ZDHHC11B: variants seen among roughly 807,000 people sequenced by gnomAD.
The protein encoded by ZDHHC11B is probable palmitoyltransferase ZDHHC11B.
Under a neutral mutation model 42.3 loss-of-function variants are expected in ZDHHC11B, and 17 were observed. The observed-to-expected ratio is 0.40, with a 90% confidence interval of 0.27 to 0.60. The LOEUF is 0.60. Among genes scored for constraint, ZDHHC11B ranks in the 20% least tolerant of loss-of-function variants. The pLI, the probability that ZDHHC11B is intolerant of heterozygous loss-of-function variation, is 0.41. For synonymous variants in ZDHHC11B, 123 were observed against 193.5 expected, an observed-to-expected ratio of 0.64 and a Z score of 3.02; for missense variants, 262 against 463.2, an observed-to-expected ratio of 0.57 and a Z score of 3.99.
At chr5:741,073 C>T (rs538422316) in intron 10 of ZDHHC11B, among the ~76,000 whole-genome samples, 26 of 123,364 alleles carry the variant, frequency 2.1e-4, no homozygotes, top group Admixed American at 5.7e-4. Flanking sequence ...CAAAATAAAA[C>T]GAACCGCACT....
At position 777,042 on chromosome 5, in the gene ZDHHC11B, G is replaced by T. The variant is rs149676461; in HGVS notation, c.-230+7626C>A. ...CACAGGACGCAGTGTGTCTGGAATT[G>T]GTGGGTTATTGGTCTCGCTGACGTC... On this transcript the variant is annotated intron_variant, in intron 1 of 13. Transcript: ENST00000508859. Among the ~76,000 whole-genome samples, 1,412 of 151,622 alleles carry T rather than the reference G, an allele frequency of 9.3e-3. 45 individuals carry two copies. The highest frequency in any genetic ancestry group is 0.032 in the African/African-American group (1,312 of 41,114).
intron 6 of ZDHHC11B, among the ~76,000 whole-genome samples, chr5:754,531 C>A (rs1436648461): frequency 7.0e-5 from 9 of 128,528 alleles, no homozygotes; most frequent in Non-Finnish European, 1.5e-4. Context: ...AGGGGAAACA[C>A]CTCTCGTCTA....
rs1468008554 is a variant in ZDHHC11B, at chr5:773,781, AC to A, written c.-229-4852del. On this transcript the variant is annotated intron_variant, in intron 1 of 13. Transcript: ENST00000508859. ...CTGAGCCCACCCCACTTGCGCCCCA[AC>A]CCCCAGGGCCAGGACCTGCTTGGAG... Among the ~76,000 whole-genome samples the A allele has an allele frequency of 1.3e-5, 2 of 150,646 alleles. 1 individual carries two copies. Among genetic ancestry groups the A allele is most frequent in the Non-Finnish European group, 3.0e-5 (2 of 67,546 alleles).
intron 4 of ZDHHC11B, among the ~76,000 whole-genome samples, chr5:759,365 G>A (rs1734282759): frequency 6.6e-6 from 1 of 151,916 alleles, no homozygotes; most frequent in African/African-American, 2.4e-5. Context: ...GGGGCCCGGT[G>A]CGGTCACGTC....
chr5:728,045 T>A (rs403068), intron 12 of ZDHHC11B, among the ~76,000 whole-genome samples: 1 of 147,110 alleles, frequency 6.8e-6, no homozygotes, highest in African/African-American at 2.5e-5. Flanking sequence ...CTATCCCTAA[T>A]GTGCAAAGAG....
chr5:757,609 G>C (rs1561171365), intron 4 of ZDHHC11B, among the ~76,000 whole-genome samples: 1 of 151,948 alleles, frequency 6.6e-6, no homozygotes, highest in Non-Finnish European at 1.5e-5. Context: ...TGTGAAGCTG[G>C]TTCCGACTGA....
At chr5:731,996 T>A (rs1430182519) in intron 11 of ZDHHC11B, 1 of 152,156 alleles carries the variant, frequency 6.6e-6, no homozygotes. Context: ...ACACCAGAAA[T>A]GTAAAGAAGG....
chr5:748,905 G>T (rs11134220), intron 7 of ZDHHC11B, among the ~76,000 whole-genome samples: 15,386 of 62,680 alleles, frequency 0.25, 1,187 homozygotes, highest in African/African-American at 0.37. Flanking sequence ...CTTCCTAAGT[G>T]CTGGGGTCAC....
rs1181424762 is a variant in ZDHHC11B at position 733,810 on chromosome 5, T to C, written c.965A>G (p.Tyr322Cys). The change falls in exon 11 of 14, where the codon TAC (tyrosine) becomes TGC (cysteine). Residue 322 changes from tyrosine (Y) to cysteine (C), a missense_variant. By Grantham distance (194) the Tyr-to-Cys change is radical. Around this residue, in one of 5 missense-constraint regions of ZDHHC11B, gnomAD observed 75 missense variants for 70.1 expected, o/e 1.07. Coordinates refer to ENST00000508859, the MANE Select transcript of ZDHHC11B (RefSeq NM_001351303.2). The part of the protein sequence containing the change: ...GVKAKSSLLI[Y>C]KCPCHFCTSV... ...AGTGCAGAAGTGACATGGGCATTTG[T>C]AAATCAGCAGGGAGCTCTTGGCCTT... The C allele has an allele frequency of 6.2e-7, 1 of 1,609,132 alleles. No individual in the cohort carries two copies. Among genetic ancestry groups the C allele is most frequent in the African/African-American group, 1.4e-5 (1 of 72,842 alleles).
intron 1 of ZDHHC11B, among the ~76,000 whole-genome samples, chr5:784,413 C>A (rs1469772369): frequency 6.6e-6 from 1 of 152,124 alleles, no homozygotes; most frequent in Non-Finnish European, 1.5e-5. Flanking sequence ...GTCCCTGGCG[C>A]GGCCGACGGT....
At position 779,753 on chromosome 5, in the gene ZDHHC11B, C is replaced by A. The variant is rs1380787679; in HGVS notation, c.-230+4915G>T. On this transcript the variant is annotated intron_variant, in intron 1 of 13. Coordinates refer to ENST00000508859, the MANE Select transcript of ZDHHC11B (RefSeq NM_001351303.2). ...AAATTTGTTACACGGACACAGAAAG[C>A]CTTGCCCTGCAGGAAAAGATTCTTA... Among the ~76,000 whole-genome samples, 4 of 152,128 alleles carry A rather than the reference C, an allele frequency of 2.6e-5. No individual in the cohort carries two copies. In the East Asian group the frequency reaches 7.7e-4, roughly 29 times the overall value.
At chr5:739,170 A>G (rs1163118614) in intron 10 of ZDHHC11B, among the ~76,000 whole-genome samples, 1 of 150,690 alleles carries the variant, frequency 6.6e-6, no homozygotes, top group African/African-American at 2.5e-5. Flanking sequence ...AGGCTGGGGC[A>G]GGCAGATCAC....
At chr5:715,172 A>G (rs1192049719) in intron 13 of ZDHHC11B, among the ~76,000 whole-genome samples, 1 of 150,918 alleles carries the variant, frequency 6.6e-6, no homozygotes, top group Admixed American at 6.6e-5. Context: ...ATAGACTAAG[A>G]CACGCCTTGT....
At chr5:764,755 C>T (rs1358846110) in intron 4 of ZDHHC11B, among the ~76,000 whole-genome samples, 6 of 151,922 alleles carry the variant, frequency 3.9e-5, no homozygotes, top group Non-Finnish European at 5.9e-5. Flanking sequence ...GCACATGGCA[C>T]GGGACTGGCA....
At chr5:743,747 T>C (rs1244782865) in intron 9 of ZDHHC11B, among the ~76,000 whole-genome samples, 2 of 150,016 alleles carry the variant, frequency 1.3e-5, no homozygotes, top group African/African-American at 4.9e-5. Context: ...GTGCCCCACA[T>C]CCTTGTTAAG....
At position 756,204 on chromosome 5, in the gene ZDHHC11B, G is replaced by A. The variant is rs116941185; in HGVS notation, c.223-60C>T. On this transcript the variant is annotated intron_variant, in intron 4 of 13. Coordinates refer to ENST00000508859, the MANE Select transcript of ZDHHC11B (RefSeq NM_001351303.2). ...GGTCAGCCTGGCATGAGGCGTCCCC[G>A]TGAGGCCCAAGGTCCCAGAAGAGGC... 7.4e-5 allele frequency: 111 copies of A among 1,493,214 alleles called. 4 individuals carry two copies. The highest frequency in any genetic ancestry group is 6.6e-4 in the South Asian group (52 of 78,418). 92.5% of individuals were successfully genotyped at this position (1,493,214 alleles called of 1,614,324 possible).
intron 12 of ZDHHC11B, among the ~76,000 whole-genome samples, chr5:724,170 A>G (rs1346748732): frequency 6.6e-6 from 1 of 151,168 alleles, no homozygotes; most frequent in Non-Finnish European, 1.5e-5. Flanking sequence ...GGACGTCTGC[A>G]TGTGTCTCCA....
rs543468843 is a variant in ZDHHC11B, at chr5:733,136, G to A, written c.1023+616C>T. Among the ~76,000 whole-genome samples the A allele has an allele frequency of 5.8e-3, 872 of 150,792 alleles. 19 individuals carry two copies. Among genetic ancestry groups the A allele is most frequent in the African/African-American group, 0.02 (836 of 40,798 alleles). ...AACAGAAATATGTGGCCCTAAAGCC[G>A]GCAGCCGCGCTGGTCTTTTCCTGTG... On this transcript the variant is annotated intron_variant, in intron 11 of 13. Coordinates refer to ENST00000508859, the MANE Select transcript of ZDHHC11B (RefSeq NM_001351303.2).
intron 8 of ZDHHC11B, among the ~76,000 whole-genome samples, chr5:746,901 A>G (rs1488020903): frequency 2.4e-5 from 3 of 125,318 alleles, no homozygotes; most frequent in East Asian, 5.9e-4. Context: ...TGTGGATGAG[A>G]CCATGTGGCC....
Sources: allele counts gnomAD v4.1 joint callset (sites outside exome capture counted in the v4.1 genomes callset), GRCh38; gene constraint gnomAD v4.1.1; regional missense constraint gnomAD v4.1.1; transcripts MANE v1.5; gene names NCBI Gene and HGNC (gene_info 2026-07-23, HGNC 2026-07-21).